Variants in CACNA1C observed in about 807,000 individuals in gnomAD.
CACNA1C encodes calcium voltage-gated channel subunit alpha1 C, also known as voltage-dependent L-type calcium channel subunit alpha-1C.
Under a neutral mutation model 229.0 loss-of-function variants are expected in CACNA1C, and 30 were observed. The ratio of observed to expected loss-of-function variants is 0.13; its 90% confidence interval spans 0.10 to 0.18. The LOEUF (loss-of-function observed/expected upper bound fraction) is 0.18. Ranked by LOEUF, CACNA1C falls within the 10% of genes least tolerant of loss-of-function variation. The pLI is 1.00. For synonymous variants in CACNA1C, 1,114 were observed against 1,132.5 expected (o/e 0.98, Z 0.33); for missense variants, 1,658 against 2,845.0 (o/e 0.58, Z 9.49).
At chr12:2,443,150 C>A (rs1426563459) in intron 3 of CACNA1C, among the ~76,000 whole-genome samples, 1 of 152,138 alleles carries the variant, frequency 6.6e-6, no homozygotes, top group Non-Finnish European at 1.5e-5. Context: ...AGATGGAAGG[C>A]AAATCCCTTC....
intron 3 of CACNA1C, among the ~76,000 whole-genome samples, chr12:2,437,729 T>TGGATGGTGGTAATGG: frequency 6.7e-6 from 1 of 150,240 alleles, no homozygotes; most frequent in South Asian, 2.1e-4. Flanking sequence ...AGAGGTAGTT[T>TGGATGGTGGTAATGG]GGATGGTGGT....
At chr12:2,656,167 A>G (rs2095410805) in intron 34 of CACNA1C, among the ~76,000 whole-genome samples, 2 of 152,260 alleles carry the variant, frequency 1.3e-5, no homozygotes, top group South Asian at 4.1e-4. Context: ...CTGTTTGCTG[A>G]TAACATGATC....
chr12:2,027,295 A>T (rs1486172478), intron 1 of CACNA1C, among the ~76,000 whole-genome samples: 2 of 152,136 alleles, frequency 1.3e-5, no homozygotes, highest in Non-Finnish European at 2.9e-5. Context: ...TTCTTGGTTA[A>T]TTGGTTCAGA....
chr12:2,396,539 G>A (rs907825554), intron 3 of CACNA1C, among the ~76,000 whole-genome samples: 2 of 152,190 alleles, frequency 1.3e-5, no homozygotes, highest in Non-Finnish European at 2.9e-5. Context: ...GCTAAGCAGT[G>A]GCTTGTTGCC....
intron 7 of CACNA1C, among the ~76,000 whole-genome samples, chr12:2,494,582 G>A (rs867204926): frequency 3.3e-5 from 5 of 152,340 alleles, no homozygotes; most frequent in Middle Eastern, 3.4e-3. Flanking sequence ...GCAGGGAAGA[G>A]TGAGAGGGGA....
rs1023102331 is a variant in CACNA1C, at chr12:2,034,526, G to T, written c.139+63325G>T. 6.6e-6 allele frequency among the ~76,000 whole-genome samples: 1 copy of T among 152,166 alleles called. No individual in the cohort carries two copies. The highest frequency in any genetic ancestry group is 6.5e-5 in the Admixed American group (1 of 15,288). ...ACTAAGGTTGAGGGTACTGTGGTGGGTATTTAATACTAAGAGTCCCTCTTA... is the reference window on the plus strand; with the variant it reads ...ACTAAGGTTGAGGGTACTGTGGTGGTTATTTAATACTAAGAGTCCCTCTTA... On this transcript the variant is annotated intron_variant, in intron 1 of 46. Transcript: ENST00000682462. The surrounding 1 kb of genome is among the most constrained non-coding windows in gnomAD (Gnocchi z 4.1).
intron 3 of CACNA1C, among the ~76,000 whole-genome samples, chr12:2,365,635 T>C (rs2097700920): frequency 1.3e-5 from 2 of 152,340 alleles, no homozygotes; most frequent in South Asian, 4.1e-4. Context: ...TTGGGAGAGA[T>C]GACTAATGCC....
chr12:2,664,337 ATAAAG>A (rs1367409307), intron 34 of CACNA1C, among the ~76,000 whole-genome samples: 4 of 152,250 alleles, frequency 2.6e-5, no homozygotes, highest in Non-Finnish European at 4.4e-5. Flanking sequence ...TCTAGTAAAA[ATAAAG>A]ATGCATGTAG....
rs745889733 is a variant in CACNA1C at position 2,053,619 on chromosome 12, T to C, written c.49+8T>C. ...CAGAGGAAAACCACCAAGGTAAGGC[T>C]GGACCCCGCCGCCTCGCCGGGGCTC... On this transcript the variant is annotated splice_region_variant and intron_variant, in intron 1 of 46. Transcript: ENST00000399655. The surrounding 1 kb of genome is among the most constrained non-coding windows in gnomAD (Gnocchi z 5.8). 5 of 1,576,686 alleles carry C rather than the reference T, an allele frequency of 3.2e-6. 1 individual carries two copies. The South Asian group carries it at 5.8e-5, about 18-fold the overall frequency.
intron 3 of CACNA1C, among the ~76,000 whole-genome samples, chr12:2,276,143 T>C (rs2087918856): frequency 6.6e-6 from 1 of 152,170 alleles, no homozygotes; most frequent in African/African-American, 2.4e-5. Flanking sequence ...GGGCCAACTG[T>C]ATTTCATTAT....
rs148923616 is a variant in CACNA1C at position 2,497,687 on chromosome 12, G to A, written c.1113+4301G>A. On this transcript the variant is annotated intron_variant, in intron 7 of 46. Transcript: ENST00000399655. ...CCATTGCCCCTGCATTAGTTTCTCC[G>A]TGATCAGTTCTTCGACTGATTTTTT... 6.6e-3 allele frequency among the ~76,000 whole-genome samples: 1,002 copies of A among 152,118 alleles called. 12 individuals are homozygous for A. Among genetic ancestry groups the A allele is most frequent in the African/African-American group, 0.023 (954 of 41,464 alleles).
chr12:2,549,743 T>G (rs557129758), intron 9 of CACNA1C, among the ~76,000 whole-genome samples, 200 bp from the exon 10 acceptor site: 7 of 152,346 alleles, frequency 4.6e-5, no homozygotes, highest in Middle Eastern at 3.4e-3. Context: ...TACAGTGTTC[T>G]TGGCGGCAAA....
At chr12:2,076,485 C>T (rs969386817) in intron 1 of CACNA1C, among the ~76,000 whole-genome samples, 8 of 152,094 alleles carry the variant, frequency 5.3e-5, no homozygotes, top group South Asian at 4.1e-4. Context: ...TTCCTTCCCT[C>T]GCCTCACTCC....
At chr12:2,490,860 A>G (rs2099722827) in intron 6 of CACNA1C, among the ~76,000 whole-genome samples, 1 of 152,216 alleles carries the variant, frequency 6.6e-6, no homozygotes, top group African/African-American at 2.4e-5. Flanking sequence ...CTAGCAGTTC[A>G]GGGACCAGCA....
intron 1 of CACNA1C, among the ~76,000 whole-genome samples, chr12:2,082,695 AT>A (rs1363086259): frequency 6.6e-6 from 1 of 152,150 alleles, no homozygotes; most frequent in Non-Finnish European, 1.5e-5. Flanking sequence ...TGGAGGAATT[AT>A]CAGGGAGAAA....
At chr12:2,340,091 ATAATT>A (rs2096819779) in intron 3 of CACNA1C, among the ~76,000 whole-genome samples, 1 of 152,264 alleles carries the variant, frequency 6.6e-6, no homozygotes, top group Non-Finnish European at 1.5e-5. Flanking sequence ...CCTGGTGTTC[ATAATT>A]CATCTGCTGT....
chr12:2,032,091 AG>A (rs2048333532), intron 1 of CACNA1C, among the ~76,000 whole-genome samples: 1 of 151,212 alleles, frequency 6.6e-6, no homozygotes, highest in Admixed American at 6.6e-5. Flanking sequence ...TAGAGGGAGG[AG>A]GGGTGGCTCA....
intron 5 of CACNA1C, 124 bp downstream of exon 5, chr12:2,457,830 T>G: frequency 1.1e-6 from 1 of 939,324 alleles, no homozygotes; most frequent in Non-Finnish European, 1.5e-6. Context: ...GTTTTTGTTT[T>G]TGTTTTAAAA....
intron 8 of CACNA1C, among the ~76,000 whole-genome samples, chr12:2,505,428 A>G (rs1598354119): frequency 1.3e-5 from 2 of 152,218 alleles, no homozygotes; most frequent in South Asian, 2.1e-4. Context: ...ATGGGATGCA[A>G]TTTCCTCTAA....
Sources: gnomAD v4.1 joint callset for allele counts (sites outside exome capture counted in the v4.1 genomes callset) on GRCh38, gnomAD v4.1.1 for gene constraint, Gnocchi (gnomAD v3.1) non-coding constraint, MANE v1.5 for transcripts, NCBI Gene and HGNC (gene_info 2026-07-23, HGNC 2026-07-21) for gene names.